The following ZFPM2 variants were observed in gnomAD, a reference collection of about 807,000 sequenced individuals.
ZFPM2 encodes zinc finger protein ZFPM2.
In ZFPM2, 20 loss-of-function variants were observed where a neutral mutation model predicts 98.6. That is an observed-to-expected ratio of 0.20 (90% confidence interval 0.14 to 0.29). The LOEUF (loss-of-function observed/expected upper bound fraction) is 0.29. Among genes scored for constraint, ZFPM2 ranks in the 10% least tolerant of loss-of-function variants. The pLI is 1.00. For missense variants in ZFPM2, 1,310 were observed against 1,388.6 expected, an observed-to-expected ratio of 0.94 and a Z score of 0.90; for synonymous variants, 518 against 502.7, an observed-to-expected ratio of 1.03 and a Z score of -0.41.
chr8:105,801,398 A>G lies in ZFPM2; in HGVS notation c.1316A>G (p.Asp439Gly). The change falls in exon 8 of 8, where the codon GAC becomes GGC. Residue 439 changes from aspartate to glycine, a missense_variant. Asp to Gly is a moderately conservative substitution (Grantham distance 94). Coordinates refer to ENST00000407775, the MANE Select transcript of ZFPM2 (RefSeq NM_012082.4). ...TKDASSDTEL[D>G]KCEKKTQLFL... ...GATGCGAGCTCTGACACAGAGCTGG[A>G]CAAGTGTGAGAAAAAGACTCAGCTC... 1 of 1,613,904 alleles carries G rather than the reference A, an allele frequency of 6.2e-7. No individual in the cohort carries two copies. The highest frequency in any genetic ancestry group is 8.5e-7 in the Non-Finnish European group (1 of 1,179,850).
chr8:105,536,247 G>A (rs1351450323), intron 3 of ZFPM2, among the ~76,000 whole-genome samples: 1 of 152,084 alleles, frequency 6.6e-6, no homozygotes, highest in Non-Finnish European at 1.5e-5. Context: ...AATAATGAAT[G>A]TGGTCTATTT....
At chr8:105,342,497 C>G (rs541006726) in intron 1 of ZFPM2, among the ~76,000 whole-genome samples, 2 of 151,988 alleles carry the variant, frequency 1.3e-5, no homozygotes, top group South Asian at 2.1e-4. Flanking sequence ...GTGAGACATT[C>G]GGATGCTCAC....
At chr8:105,691,184 C>T (rs1470207970) in intron 5 of ZFPM2, among the ~76,000 whole-genome samples, 9 of 146,690 alleles carry the variant, frequency 6.1e-5, no homozygotes, top group African/African-American at 2.0e-4. Flanking sequence ...ATAGTTGCTT[C>T]TGACTGTTCA....
At chr8:105,553,889 G>A (rs187681187) in intron 3 of ZFPM2, among the ~76,000 whole-genome samples, 10 of 152,052 alleles carry the variant, frequency 6.6e-5, no homozygotes, top group Admixed American at 1.3e-4. Context: ...TTCATGCGCC[G>A]GATAAGGTCA....
At chr8:105,397,107 CT>C (rs1586343054) in intron 1 of ZFPM2, among the ~76,000 whole-genome samples, 1 of 152,152 alleles carries the variant, frequency 6.6e-6, no homozygotes, top group Non-Finnish European at 1.5e-5. Context: ...TACTCTGCTT[CT>C]GCCATTTCAT....
intron 3 of ZFPM2, among the ~76,000 whole-genome samples, chr8:105,547,768 T>C (rs1223089827): frequency 1.3e-5 from 2 of 152,036 alleles, no homozygotes; most frequent in Admixed American, 6.6e-5. Context: ...TTCTATCTTC[T>C]GATACAAAGA....
At chr8:105,781,503 T>C (rs1813247984) in intron 5 of ZFPM2, among the ~76,000 whole-genome samples, 1 of 152,006 alleles carries the variant, frequency 6.6e-6, no homozygotes, top group Non-Finnish European at 1.5e-5. Context: ...GGAGGATCCC[T>C]TGAGCTCAGG....
At chr8:105,328,056 A>G (rs1812147180) in intron 1 of ZFPM2, among the ~76,000 whole-genome samples, 1 of 151,916 alleles carries the variant, frequency 6.6e-6, no homozygotes, top group East Asian at 1.9e-4. Context: ...CTCACTGTAT[A>G]CAAATTATTT....
chr8:105,347,913 T>C (rs770536098), intron 1 of ZFPM2, among the ~76,000 whole-genome samples: 48 of 152,244 alleles, frequency 3.2e-4, no homozygotes, highest in Non-Finnish European at 5.7e-4. Flanking sequence ...ACCCCCGACA[T>C]ACTCAAGGCT....
At chr8:105,665,214 G>A (rs1817466644) in intron 5 of ZFPM2, among the ~76,000 whole-genome samples, 1 of 152,026 alleles carries the variant, frequency 6.6e-6, no homozygotes, top group Non-Finnish European at 1.5e-5. Context: ...CCCAAGAAAG[G>A]CATTAATTCC....
intron 5 of ZFPM2, chr8:105,678,689 T>G (rs1435203562): frequency 6.6e-6 from 1 of 152,188 alleles, no homozygotes; most frequent in Non-Finnish European, 1.5e-5. Flanking sequence ...TCCGGTTTTC[T>G]CTCTTATTCC....
At chr8:105,620,856 A>C (rs538639602) in intron 4 of ZFPM2, among the ~76,000 whole-genome samples, 4 of 151,980 alleles carry the variant, frequency 2.6e-5, no homozygotes, top group Non-Finnish European at 5.9e-5. Flanking sequence ...GTGTGGTATT[A>C]TTTCTGAGGG....
chr8:105,790,610 G>T (rs1813580262), intron 6 of ZFPM2, among the ~76,000 whole-genome samples: 2 of 152,114 alleles, frequency 1.3e-5, no homozygotes, highest in Admixed American at 6.6e-5. Context: ...CTTTAAAGTA[G>T]TTTTTTCCAA....
chr8:105,510,352 A>C (rs530401139), intron 3 of ZFPM2, among the ~76,000 whole-genome samples: 2 of 151,244 alleles, frequency 1.3e-5, no homozygotes, highest in South Asian at 4.2e-4. Flanking sequence ...ACTTGCGACT[A>C]TGTTCGTCGG....
Position 105,330,564 on chromosome 8 carries a change from A to ATATG in ZFPM2, c.40+11586_40+11587insGTAT, listed in dbSNP as rs1314459781. Among the ~76,000 whole-genome samples, 104 of 74,644 alleles carry ATATG rather than the reference A, an allele frequency of 1.4e-3. 2 individuals are homozygous for ATATG. Among genetic ancestry groups the ATATG allele is most frequent in the African/African-American group, 4.2e-3 (99 of 23,556 alleles). 49.0% of individuals were successfully genotyped at this position (74,644 alleles called of 152,430 possible). A position where few individuals can be genotyped will look rare whatever the true frequency, so the allele number is the denominator to read the frequency against. ...TATATATATATATACATATATATAT[A>ATATG]TATACATATATATATACATATATAT... On this transcript the variant is annotated intron_variant, in intron 1 of 7. Coordinates refer to ENST00000407775, the MANE Select transcript of ZFPM2 (RefSeq NM_012082.4).
intron 5 of ZFPM2, among the ~76,000 whole-genome samples, chr8:105,723,973 C>G (rs1395144072): frequency 2.6e-5 from 4 of 151,806 alleles, no homozygotes; most frequent in Non-Finnish European, 5.9e-5. Context: ...GCTGCTTCTC[C>G]TGTTATCTTT....
At chr8:105,625,722 G>A (rs961877480) in intron 4 of ZFPM2, among the ~76,000 whole-genome samples, 2 of 151,892 alleles carry the variant, frequency 1.3e-5, no homozygotes, top group African/African-American at 4.8e-5. Flanking sequence ...TGGGATTACA[G>A]GTGCCCACCA....
At chr8:105,690,694 C>A (rs1357545258) in intron 5 of ZFPM2, among the ~76,000 whole-genome samples, 2 of 152,096 alleles carry the variant, frequency 1.3e-5, no homozygotes, top group Non-Finnish European at 2.9e-5. Context: ...ATAACTCACA[C>A]CGCAAATCCC....
At chr8:105,685,469 T>C (rs1400215310) in intron 5 of ZFPM2, among the ~76,000 whole-genome samples, 1 of 152,132 alleles carries the variant, frequency 6.6e-6, no homozygotes, top group African/African-American at 2.4e-5. Context: ...CTTACCTACG[T>C]TGCATTTTCA....
Sources: allele counts gnomAD v4.1 joint callset (sites outside exome capture counted in the v4.1 genomes callset), GRCh38; gene constraint gnomAD v4.1.1; transcripts MANE v1.5; gene names NCBI Gene and HGNC (gene_info 2026-07-23, HGNC 2026-07-21).